NCKAP5: variants seen among roughly 807,000 people sequenced by gnomAD.
NCKAP5 encodes the protein NCK associated protein 5, also known as nck-associated protein 5.
NCKAP5 carries 92 observed loss-of-function variants against 167.0 expected under a neutral mutation model. The ratio of observed to expected loss-of-function variants is 0.55; its 90% CI spans 0.47 to 0.66. The LOEUF (loss-of-function observed/expected upper bound fraction) is 0.66. NCKAP5 is among the 30% of genes least tolerant of loss of function. NCKAP5 has a pLI of 0.00. For missense variants in NCKAP5, 2,378 were observed against 2,315.0 expected (o/e 1.03, Z -0.56); for synonymous variants, 891 against 877.4 (o/e 1.02, Z -0.27).
intron 12 of NCKAP5, among the ~76,000 whole-genome samples, chr2:132,790,652 C>T (rs1352445890): frequency 3.3e-5 from 5 of 152,174 alleles, no homozygotes; most frequent in Non-Finnish European, 7.3e-5. Flanking sequence ...ATGATAATTA[C>T]GGGCAGACTT....
chr2:133,278,199 C>T (rs1024399330), intron 4 of NCKAP5, among the ~76,000 whole-genome samples: 6 of 152,120 alleles, frequency 3.9e-5, no homozygotes, highest in East Asian at 3.8e-4. Context: ...AACAAATTAT[C>T]GCAAATGTAG....
chr2:133,639,622 G>T, the NCKAP5 span, among the ~76,000 whole-genome samples: 1 of 152,168 alleles, frequency 6.6e-6, no homozygotes, highest in East Asian at 1.9e-4. Flanking sequence ...TCTTCTGTTT[G>T]GTTCATAAAA....
In NCKAP5 at chr2:132,857,153, G is replaced by A. The variant is rs1689534786; in HGVS notation, c.807+3339C>T. On this transcript the variant is annotated intron_variant, in intron 11 of 19. Transcript: ENST00000409261. ...TGCTTCTTTGCTTAGAGATCTTTTTGTTGGAATCTTCCATTATCTTTTTTT... is the reference window on the plus strand; with the variant it reads ...TGCTTCTTTGCTTAGAGATCTTTTTATTGGAATCTTCCATTATCTTTTTTT... Among the ~76,000 whole-genome samples the A allele has an allele frequency of 4.0e-5, 6 of 150,180 alleles. No individual in the cohort carries two copies. In the South Asian group the frequency reaches 1.3e-3, roughly 32 times the overall value.
In NCKAP5 at chr2:132,818,003, C is replaced by A. The variant is rs528743419; in HGVS notation, c.808-21274G>T. Among the ~76,000 whole-genome samples, 215 of 152,226 alleles carry A rather than the reference C, an allele frequency of 1.4e-3. 1 individual carries two copies. The highest frequency in any genetic ancestry group is 4.9e-3 in the African/African-American group (204 of 41,524). ...CACCCCATTGCCCAGGCTGCAGTGC[C>A]GCGGCATGATCATGGCTCACTGCGG... On this transcript the variant is annotated intron_variant, in intron 11 of 19. Transcript: ENST00000409261.
intron 8 of NCKAP5, among the ~76,000 whole-genome samples, chr2:132,895,832 AAC>A (rs755470232): frequency 0.033 from 4,519 of 136,798 alleles, 187 homozygotes; most frequent in African/African-American, 0.07. Context: ...AAAAAAAAAA[AAC>A]AAAAAAAAAA....
At chr2:132,741,509 C>T (rs1414843323) in intron 16 of NCKAP5, among the ~76,000 whole-genome samples, 2 of 152,008 alleles carry the variant, frequency 1.3e-5, no homozygotes, top group Non-Finnish European at 2.9e-5. Context: ...CTCCTAGGTC[C>T]TGTTTTAAGA....
At chr2:133,012,494 C>T (rs967707935) in intron 6 of NCKAP5, among the ~76,000 whole-genome samples, 2 of 152,158 alleles carry the variant, frequency 1.3e-5, no homozygotes, top group Admixed American at 6.5e-5. Context: ...ATGATCTGCC[C>T]GCCTCGGCCT....
At chr2:133,312,057 T>C (rs1203803680) in intron 3 of NCKAP5, among the ~76,000 whole-genome samples, 1 of 152,210 alleles carries the variant, frequency 6.6e-6, no homozygotes, top group Non-Finnish European at 1.5e-5. Flanking sequence ...TTCAACACAG[T>C]AAAATTCACA....
intron 3 of NCKAP5, among the ~76,000 whole-genome samples, chr2:133,304,172 C>T (rs1680605523): frequency 6.6e-6 from 1 of 152,102 alleles, no homozygotes. Context: ...ACATAATATA[C>T]TGCTCTTATA....
chr2:132,755,368 C>G (rs1390737594), intron 16 of NCKAP5, among the ~76,000 whole-genome samples: 2 of 152,176 alleles, frequency 1.3e-5, no homozygotes, highest in East Asian at 1.9e-4. Flanking sequence ...TGGCCAGGAA[C>G]TTTTAAGACT....
chr2:132,818,612 C>T (rs912811753), intron 11 of NCKAP5, among the ~76,000 whole-genome samples: 4 of 152,300 alleles, frequency 2.6e-5, no homozygotes, highest in East Asian at 3.9e-4. Flanking sequence ...CACTTGAACC[C>T]GGGAGGTGGT....
At chr2:133,563,723 C>T (rs971322093) in intron 1 of NCKAP5, among the ~76,000 whole-genome samples, 1 of 152,270 alleles carries the variant, frequency 6.6e-6, no homozygotes, top group Admixed American at 6.5e-5. Context: ...ATCTGCTATA[C>T]TGCTCTGCCA....
chr2:133,107,857 C>T (rs1411300710), intron 6 of NCKAP5, among the ~76,000 whole-genome samples: 4 of 152,154 alleles, frequency 2.6e-5, no homozygotes, highest in Non-Finnish European at 4.4e-5. Context: ...AGGAAATAAC[C>T]TTTAAACATT....
chr2:133,434,518 T>C (rs1012820573), intron 3 of NCKAP5, among the ~76,000 whole-genome samples: 1 of 152,208 alleles, frequency 6.6e-6, no homozygotes, highest in Non-Finnish European at 1.5e-5. Flanking sequence ...AAACTCTATA[T>C]TCCTCAGTTT....
chr2:132,938,126 A>G (rs1013074249), intron 8 of NCKAP5, among the ~76,000 whole-genome samples: 2 of 152,310 alleles, frequency 1.3e-5, no homozygotes, highest in African/African-American at 4.8e-5. Flanking sequence ...GAGTCCAGTC[A>G]TAGGTCTACA....
At chr2:133,101,577 C>A (rs945299936) in intron 6 of NCKAP5, among the ~76,000 whole-genome samples, 2 of 151,274 alleles carry the variant, frequency 1.3e-5, no homozygotes, top group East Asian at 1.9e-4. Context: ...CTTTTATTTC[C>A]TTGAGCAGTG....
chr2:132,879,646 T>C (rs1369465857), intron 8 of NCKAP5, among the ~76,000 whole-genome samples: 1 of 152,204 alleles, frequency 6.6e-6, no homozygotes, highest in Non-Finnish European at 1.5e-5. Flanking sequence ...CCACTGCAGG[T>C]TCCTGTCTGA....
chr2:133,497,500 C>T (rs999774085), intron 3 of NCKAP5, among the ~76,000 whole-genome samples: 1 of 152,172 alleles, frequency 6.6e-6, no homozygotes, highest in Non-Finnish European at 1.5e-5. Flanking sequence ...AAATTCCTAC[C>T]ACAGAGCATC....
intron 3 of NCKAP5, among the ~76,000 whole-genome samples, chr2:133,332,693 A>T (rs1171352921): frequency 6.6e-6 from 1 of 152,146 alleles, no homozygotes; most frequent in Non-Finnish European, 1.5e-5. Context: ...ATTCACCCTT[A>T]CACCTTGGGC....
Sources: gnomAD v4.1 joint callset for allele counts (sites outside exome capture counted in the v4.1 genomes callset) on GRCh38, gnomAD v4.1.1 for gene constraint, MANE v1.5 for transcripts, NCBI Gene and HGNC (gene_info 2026-07-23, HGNC 2026-07-21) for gene names.